The following NIPBL variants were observed in gnomAD, a reference collection of about 807,000 sequenced individuals.
The protein encoded by NIPBL is NIPBL cohesin loading factor.
In NIPBL, 19 loss-of-function variants were observed where a neutral mutation model predicts 321.8. That is an observed-to-expected ratio of 0.06 (90% CI 0.04 to 0.09). The LOEUF (loss-of-function observed/expected upper bound fraction) is 0.09, where lower values mean the gene tolerates loss of function less well. NIPBL is among the 10% of genes least tolerant of loss of function. The pLI is 1.00. For synonymous variants in NIPBL, 1,106 were observed against 1,114.1 expected (o/e 0.99, Z 0.14); for missense variants, 2,210 against 3,327.0 (o/e 0.66, Z 8.26).
rs780835621 is a variant in NIPBL, at chr5:37,024,572, T to A, written c.5575-13T>A. 1.3e-6 allele frequency: 2 copies of A among 1,594,606 alleles called. 1 individual carries two copies. Among genetic ancestry groups the A allele is most frequent in the South Asian group, 2.2e-5 (2 of 89,552 alleles). On this transcript the variant is annotated splice_polypyrimidine_tract_variant and intron_variant, in intron 29 of 46. Transcript: ENST00000282516. ...AATTTTTCTGACTCTTAAAAATACC[T>A]TTCTGTTTTTAGGATACTGGTATCA...
chr5:36,879,678 C>G (rs1745361410), intron 1 of NIPBL, among the ~76,000 whole-genome samples: 1 of 152,008 alleles, frequency 6.6e-6, no homozygotes, highest in Admixed American at 6.6e-5. Context: ...AAGGAGAAAT[C>G]AGAAGTGTTC....
At chr5:36,967,891 A>G (rs1742384948) in intron 6 of NIPBL, among the ~76,000 whole-genome samples, 1 of 152,066 alleles carries the variant, frequency 6.6e-6, no homozygotes, top group East Asian at 1.9e-4. Context: ...CTTGAAGCTT[A>G]GGAACTCAAG....
chr5:36,954,338 A>T (rs1740710553), intron 2 of NIPBL, among the ~76,000 whole-genome samples: 1 of 152,178 alleles, frequency 6.6e-6, no homozygotes, highest in South Asian at 2.1e-4. Flanking sequence ...TATCCTCCAA[A>T]TACAACTTTT....
rs748074172 is a variant in NIPBL, at chr5:37,044,415, G to A, written c.6177G>A (p.Glu2059=). The A allele has an allele frequency of 6.8e-6, 11 of 1,613,764 alleles. No homozygotes were observed. Among genetic ancestry groups the A allele is most frequent in the South Asian group, 1.1e-5 (1 of 91,072 alleles). The change falls in exon 35 of 47, where the codon GAG becomes GAA. Residue 2059 remains glutamate, a synonymous_variant. Transcript: ENST00000282516. The part of the protein sequence containing the change: ...KILELVVPLM[E]HPSETFLATI... ...TAGAGCTAGTTGTACCACTGATGGA[G>A]CATCCAAGTGAAACTTTTCTTGCCA...
In NIPBL at chr5:36,955,541, G is replaced by A. The variant is rs1290230112; in HGVS notation, c.134G>A (p.Arg45Gln). The A allele has an allele frequency of 3.7e-6, 6 of 1,613,680 alleles. No individual in the cohort carries two copies. Among genetic ancestry groups the A allele is most frequent in the South Asian group, 1.1e-5 (1 of 91,068 alleles). Residue 45 changes from arginine (R) to glutamine (Q), a missense_variant, in exon 3 of 47, where the codon CGA becomes CAA. By Grantham distance (43) the Arg-to-Gln change is conservative (BLOSUM62 1). Around this residue, in one of 14 missense-constraint regions of NIPBL, gnomAD observed 28 missense variants for 65.5 expected, o/e 0.43. Transcript: ENST00000282516. ...ACAAAGAGCCTTCTCTTTAATGCAC[G>A]AATAGCAGAAGAGGTGAACTGCCTT... The part of the protein sequence containing the change: ...TTTKSLLFNA[R>Q]IAEEVNCLLA...
rs1226920084 is a variant in NIPBL, at chr5:37,046,171, A to G, written c.6561A>G (p.Glu2187=). ...LMYFTKHSDE[E]VQTKAIIGLG... The stretch of plus-strand genomic sequence containing the variant: ...ATTTTACAAAACACTCAGATGAAGA[A>G]GTACAAACAAAAGCTATCATTGGTC... The change falls in exon 38 of 47, where the codon GAA becomes GAG. Residue 2187 remains glutamate, a synonymous_variant. Transcript: ENST00000282516. 2.5e-6 allele frequency: 4 copies of G among 1,579,576 alleles called. No homozygotes were observed. Among genetic ancestry groups the G allele is most frequent in the Non-Finnish European group, 3.5e-6 (4 of 1,148,892 alleles).
Position 36,976,089 on chromosome 5 carries a change from G to A in NIPBL, c.1182G>A (p.Val394=), listed in dbSNP as rs1335013200. 6.2e-7 allele frequency: 1 copy of A among 1,613,944 alleles called. No individual in the cohort carries two copies. The highest frequency in any genetic ancestry group is 1.1e-5 in the South Asian group (1 of 91,072). The change falls in exon 9 of 47, where the codon GTG becomes GTA. Residue 394 remains valine, a synonymous_variant. Coordinates refer to ENST00000282516, the MANE Select transcript of NIPBL (RefSeq NM_133433.4). ...CAGAAAATGATATTCCTTTTAATGT[G>A]CAGTACCCAGGACAGACTTCAAAAA... is the stretch of plus-strand genomic sequence containing the variant. ...NVSENDIPFN[V]QYPGQTSKTP... is the part of the protein sequence containing the mutation.
intron 3 of NIPBL, among the ~76,000 whole-genome samples, chr5:36,957,635 C>T (rs1436229245): frequency 6.6e-6 from 1 of 152,034 alleles, no homozygotes; most frequent in Non-Finnish European, 1.5e-5. Flanking sequence ...AGAAGAATCC[C>T]TCTCTGTTAT....
intron 22 of NIPBL, 38 bp downstream of exon 22, chr5:37,014,803 A>C (rs1748738846): frequency 8.3e-7 from 1 of 1,210,022 alleles, no homozygotes; most frequent in South Asian, 1.2e-5. Flanking sequence ...TTTCTTTTCC[A>C]CAGTATAGAG....
chr5:36,982,767 C>T (rs953697463), intron 9 of NIPBL, among the ~76,000 whole-genome samples: 7 of 151,670 alleles, frequency 4.6e-5, no homozygotes, highest in African/African-American at 1.7e-4. Flanking sequence ...AAAAATCAGC[C>T]CTCTAAGCTA....
intron 6 of NIPBL, among the ~76,000 whole-genome samples, chr5:36,970,396 T>C (rs1027257481): frequency 1.5e-5 from 2 of 132,296 alleles, no homozygotes; most frequent in African/African-American, 6.3e-5. Flanking sequence ...AATAAATAAA[T>C]AAAAGAATTT....
At chr5:36,955,735 A>G (rs1048970141) in intron 3 of NIPBL, 98 bp downstream of exon 3, 1 of 910,826 alleles carries the variant, frequency 1.1e-6, no homozygotes, top group Non-Finnish European at 1.8e-6. Flanking sequence ...TTTTAGATAC[A>G]TAGTTTATTT....
chr5:36,996,635 A>G lies in NIPBL; in HGVS notation c.3304+831A>G, dbSNP rs1233345415. On this transcript the variant is annotated intron_variant, in intron 11 of 46. Coordinates refer to ENST00000282516, the MANE Select transcript of NIPBL (RefSeq NM_133433.4). The surrounding 1 kb of genome is among the most constrained non-coding windows in gnomAD (Gnocchi z 5.0). ...TGGAGCAAGAGAATTGAGCCTAGCC[A>G]AGAGGGGTCAGCAACCTTGTTTGAC... The G allele has an allele frequency of 2.5e-6, 1 of 403,472 alleles. No individual in the cohort carries two copies. Among genetic ancestry groups the G allele is most frequent in the Non-Finnish European group, 5.0e-6 (1 of 201,626 alleles). The allele number at this position is 403,472 out of a possible 1,614,324, so 25.0% of individuals were successfully genotyped here.
intron 1 of NIPBL, among the ~76,000 whole-genome samples, chr5:36,894,953 C>T (rs1580166604): frequency 6.6e-6 from 1 of 152,208 alleles, no homozygotes; most frequent in African/African-American, 2.4e-5. Context: ...TTGCTGATAA[C>T]TGGTGTAGCT....
At chr5:36,952,049 T>C (rs1160930546) in intron 1 of NIPBL, among the ~76,000 whole-genome samples, 66 of 113,864 alleles carry the variant, frequency 5.8e-4, no homozygotes, top group East Asian at 2.0e-3. Flanking sequence ...TGTGTGTGTG[T>C]GTGTGCGCGC....
chr5:37,052,326 T>C lies in NIPBL; in HGVS notation c.7063-40T>C, dbSNP rs761821708. ...TAAGTATATTTTTAATTTGTGTCTTTTAATTTCCCTGACAAAAATGAGACT... is the reference window on the plus strand; with the variant it reads ...TAAGTATATTTTTAATTTGTGTCTTCTAATTTCCCTGACAAAAATGAGACT... On this transcript the variant is annotated intron_variant, in intron 41 of 46. Transcript: ENST00000282516. 1.4e-5 allele frequency: 21 copies of C among 1,529,382 alleles called. No homozygotes were observed. The African/African-American group carries it at 2.6e-4, about 19-fold the overall frequency. The allele number at this position is 1,529,382 out of a possible 1,614,324, so 94.7% of individuals were successfully genotyped here. A position where few individuals can be genotyped will look rare whatever the true frequency, so the allele number is the denominator to read the frequency against.
chr5:37,009,292 A>T (rs1259544213), intron 20 of NIPBL, among the ~76,000 whole-genome samples: 1 of 152,154 alleles, frequency 6.6e-6, no homozygotes, highest in Non-Finnish European at 1.5e-5. Flanking sequence ...AAACATGGGG[A>T]TTAAATGCTC....
chr5:36,971,904 C>A, intron 7 of NIPBL, 41 bp from the exon 8 acceptor site: 1 of 1,574,624 alleles, frequency 6.4e-7, no homozygotes, highest in Non-Finnish European at 8.7e-7. Context: ...TATAAAGCCT[C>A]TCCTGTCATT....
At chr5:36,921,716 G>A (rs1351435165) in intron 1 of NIPBL, among the ~76,000 whole-genome samples, 1 of 152,088 alleles carries the variant, frequency 6.6e-6, no homozygotes, top group Admixed American at 6.6e-5. Context: ...GAAAATACCA[G>A]CTTTCCAAAA....
Sources: allele counts gnomAD v4.1 joint callset (sites outside exome capture counted in the v4.1 genomes callset), GRCh38; gene constraint gnomAD v4.1.1; regional missense constraint gnomAD v4.1.1; non-coding constraint Gnocchi (gnomAD v3.1); transcripts MANE v1.5; gene names NCBI Gene and HGNC (gene_info 2026-07-23, HGNC 2026-07-21).